Variants in TMEM117 observed in about 807,000 individuals in gnomAD.
TMEM117 encodes the protein transmembrane protein 117.
In TMEM117, 27 loss-of-function variants were observed where a neutral mutation model predicts 52.4. The observed-to-expected ratio is 0.51, with a 90% CI of 0.38 to 0.71. TMEM117 has a LOEUF of 0.71. TMEM117 is among the 30% of genes least tolerant of loss of function. The pLI is 0.00. For missense variants in TMEM117, 556 were observed against 630.5 expected, an observed-to-expected ratio of 0.88 and a Z score of 1.26; for synonymous variants, 215 against 206.3, an observed-to-expected ratio of 1.04 and a Z score of -0.36.
chr12:44,098,058 G>T (rs551128161), intron 3 of TMEM117, among the ~76,000 whole-genome samples: 2 of 152,048 alleles, frequency 1.3e-5, no homozygotes, highest in East Asian at 1.9e-4. Flanking sequence ...TGGCCCCAGG[G>T]TCAGTAGGGT....
chr12:44,182,406 T>G (rs1949215053), intron 4 of TMEM117, among the ~76,000 whole-genome samples: 1 of 152,166 alleles, frequency 6.6e-6, no homozygotes. Flanking sequence ...ATAGGAGTGG[T>G]GAGAGAGGGC....
chr12:44,200,248 G>A (rs916421676), intron 4 of TMEM117, among the ~76,000 whole-genome samples: 1 of 152,096 alleles, frequency 6.6e-6, no homozygotes, highest in Admixed American at 6.6e-5. Flanking sequence ...TAAACCCAAT[G>A]TTTAGTTTAC....
chr12:44,346,998 T>C (rs766623486), intron 6 of TMEM117, among the ~76,000 whole-genome samples: 2 of 152,072 alleles, frequency 1.3e-5, no homozygotes, highest in East Asian at 1.9e-4. Context: ...AGGACATTTA[T>C]TTTTTATTGT....
At chr12:44,082,771 A>T (rs531067166) in intron 3 of TMEM117, among the ~76,000 whole-genome samples, 1 of 152,270 alleles carries the variant, frequency 6.6e-6, no homozygotes, top group Non-Finnish European at 1.5e-5. Context: ...CAGGAATCAG[A>T]ACAATACTAG....
chr12:44,168,316 G>C (rs2138274966), intron 4 of TMEM117, among the ~76,000 whole-genome samples: 1 of 151,842 alleles, frequency 6.6e-6, no homozygotes, highest in African/African-American at 2.4e-5. Context: ...AGAACCTACT[G>C]CTGTTTCCCT....
At chr12:44,117,899 A>G (rs541188803) in intron 3 of TMEM117, among the ~76,000 whole-genome samples, 3 of 152,184 alleles carry the variant, frequency 2.0e-5, no homozygotes, top group Admixed American at 6.5e-5. Context: ...ATTTATTGAG[A>G]TATATGGACT....
chr12:43,888,075 C>T (rs1944030359), intron 2 of TMEM117, among the ~76,000 whole-genome samples: 1 of 152,120 alleles, frequency 6.6e-6, no homozygotes, highest in Non-Finnish European at 1.5e-5. Flanking sequence ...ATACAAAAGT[C>T]TAGGTGCAGA....
intron 6 of TMEM117, among the ~76,000 whole-genome samples, chr12:44,332,812 A>G (rs1278743446): frequency 1.3e-5 from 2 of 151,886 alleles, no homozygotes; most frequent in Non-Finnish European, 2.9e-5. Context: ...TAAATTGAAT[A>G]TCAGCATTTC....
chr12:43,901,598 A>G (rs1446758985), intron 2 of TMEM117, among the ~76,000 whole-genome samples: 2 of 152,240 alleles, frequency 1.3e-5, no homozygotes, highest in Non-Finnish European at 2.9e-5. Context: ...GGCGTGAGCC[A>G]TCACACCTGG....
intron 6 of TMEM117, among the ~76,000 whole-genome samples, chr12:44,347,106 G>A (rs966095085): frequency 2.0e-5 from 3 of 151,758 alleles, no homozygotes; most frequent in Non-Finnish European, 4.4e-5. Context: ...GAGCAAATTA[G>A]TTAAAAGCCT....
intron 7 of TMEM117, among the ~76,000 whole-genome samples, chr12:44,382,692 A>G (rs1952037129): frequency 6.6e-6 from 1 of 152,218 alleles, no homozygotes; most frequent in Non-Finnish European, 1.5e-5. Context: ...TTCCTAAGAA[A>G]TAGTCTCCCA....
the TMEM117 span, chr12:43,804,072 GCAAT>G: frequency 8.7e-6 from 2 of 228,776 alleles, no homozygotes; most frequent in Admixed American, 1.0e-4. Flanking sequence ...GGCAAAGGTT[GCAAT>G]CAAATGGAGA....
chr12:43,819,890 A>G, the TMEM117 span, among the ~76,000 whole-genome samples: 278 of 152,324 alleles, frequency 1.8e-3, no homozygotes, highest in Middle Eastern at 0.014. Context: ...GCTGAATTCT[A>G]CAAAAGAGTT....
intron 6 of TMEM117, among the ~76,000 whole-genome samples, chr12:44,369,365 C>T (rs1951831950): frequency 6.6e-6 from 1 of 152,150 alleles, no homozygotes; most frequent in South Asian, 2.1e-4. Context: ...GCCAAAGCCT[C>T]AAGGCAAGGC....
chr12:43,855,723 C>A (rs1273699884), intron 2 of TMEM117, among the ~76,000 whole-genome samples: 1 of 152,078 alleles, frequency 6.6e-6, no homozygotes, highest in Non-Finnish European at 1.5e-5. Context: ...CATACAATAC[C>A]AAGTAACTCA....
At chr12:43,797,613 C>T in the TMEM117 span, 1 of 1,470,786 alleles carries the variant, frequency 6.8e-7, no homozygotes, top group Non-Finnish European at 9.1e-7. Context: ...AATCAGAAAG[C>T]TATTTAAAAT....
At chr12:43,862,217 G>T (rs1285138021) in intron 2 of TMEM117, among the ~76,000 whole-genome samples, 1 of 152,164 alleles carries the variant, frequency 6.6e-6, no homozygotes, top group Non-Finnish European at 1.5e-5. Flanking sequence ...TGCCCAGGCT[G>T]GAGTGCAGTG....
At chr12:44,267,453 A>G (rs906000263) in intron 5 of TMEM117, among the ~76,000 whole-genome samples, 1 of 152,210 alleles carries the variant, frequency 6.6e-6, no homozygotes, top group Non-Finnish European at 1.5e-5. Context: ...ACCATCAACC[A>G]CAATCTATGC....
chr12:43,836,151 C>A lies in TMEM117; in HGVS notation c.-74C>A, dbSNP rs913015701. The A allele has an allele frequency of 1.3e-5, 2 of 152,036 alleles. No individual in the cohort carries two copies. The highest frequency in any genetic ancestry group is 4.8e-5 in the African/African-American group (2 of 41,410). The allele number at this position is 152,036 out of a possible 1,614,324, so 9.4% of individuals were successfully genotyped here. A position where few individuals can be genotyped will look rare whatever the true frequency, so the allele number is the denominator to read the frequency against. On this transcript the variant is annotated 5_prime_UTR_variant, in exon 1 of 8. Coordinates refer to ENST00000266534, the MANE Select transcript of TMEM117 (RefSeq NM_032256.3). ...CGGCGCGCCGAGGGCTGTGCTCGAC[C>A]GCGAATCCCGTGTGCAGTCGCCCCG...
Sources: gnomAD v4.1 joint callset for allele counts (sites outside exome capture counted in the v4.1 genomes callset) on GRCh38, gnomAD v4.1.1 for gene constraint, MANE v1.5 for transcripts, NCBI Gene and HGNC (gene_info 2026-07-23, HGNC 2026-07-21) for gene names.